MINDY2: variants seen among roughly 807,000 people sequenced by gnomAD.
MINDY2 encodes the protein MINDY lysine 48 deubiquitinase 2, also known as ubiquitin carboxyl-terminal hydrolase MINDY-2.
A neutral mutation model predicts 68.2 loss-of-function variants in MINDY2; 52 were observed. The ratio of observed to expected loss-of-function variants is 0.76; its 90% CI spans 0.61 to 0.96. The LOEUF (loss-of-function observed/expected upper bound fraction) is 0.96. Ranked by LOEUF, MINDY2 falls within the 40% of genes least tolerant of loss-of-function variation. MINDY2 has a pLI of 0.00. For missense variants in MINDY2, 881 were observed against 773.4 expected (o/e 1.14, Z -1.65); for synonymous variants, 372 against 303.0 (o/e 1.23, Z -2.36).
rs1234875208 is a variant in MINDY2 at position 58,857,509 on chromosome 15, G to C, written c.*2899G>C. On this transcript the variant is annotated 3_prime_UTR_variant, in exon 9 of 9. Coordinates refer to ENST00000559228, the MANE Select transcript of MINDY2 (RefSeq NM_001040450.3). ...AGATAGCACCACTGCATGCAAGCCT[G>C]GGCAATAGAGCGAGACTCCGTCTCA... is the stretch of plus-strand genomic sequence containing the variant. 2.3e-5 allele frequency: 3 copies of C among 127,694 alleles called. No individual in the cohort carries two copies. The highest frequency in any genetic ancestry group is 1.9e-4 in the Admixed American group (2 of 10,274). The allele number at this position is 127,694 out of a possible 1,614,324, so 7.9% of individuals were successfully genotyped here. A position where few individuals can be genotyped will look rare whatever the true frequency, so the allele number is the denominator to read the frequency against.
chr15:58,821,949 T>C, intron 5 of MINDY2, 130 bp downstream of exon 5: 1 of 602,358 alleles, frequency 1.7e-6, no homozygotes, highest in Non-Finnish European at 2.7e-6. Flanking sequence ...GTATGAATTT[T>C]AAGAAGTAAC....
chr15:58,829,599 A>T (rs2031604824), intron 5 of MINDY2, among the ~76,000 whole-genome samples: 1 of 152,168 alleles, frequency 6.6e-6, no homozygotes, highest in Non-Finnish European at 1.5e-5. Context: ...TGTGGAGAGG[A>T]TATTGGGTGA....
chr15:58,771,472 C>T lies in MINDY2; in HGVS notation c.77C>T (p.Ser26Leu), dbSNP rs1900380444. Reference protein sequence around the residue: ...AAGPASGTGSSQEGLQETRLA... With the variant: ...AAGPASGTGSLQEGLQETRLA... ...GGGCCAGCGTCAGGGACAGGTTCTT[C>T]GCAGGAAGGGCTACAGGAGACCAGG... The change falls in exon 1 of 9, where the codon TCG (serine) becomes TTG (leucine). Residue 26 changes from serine (S) to leucine (L), a missense_variant. By Grantham distance (145) the Ser-to-Leu change is moderately radical. Coordinates refer to ENST00000559228, the MANE Select transcript of MINDY2 (RefSeq NM_001040450.3). 1 of 1,612,554 alleles carries T rather than the reference C, an allele frequency of 6.2e-7. No individual in the cohort carries two copies. Among genetic ancestry groups the T allele is most frequent in the Non-Finnish European group, 8.5e-7 (1 of 1,179,828 alleles).
chr15:58,826,786 G>A (rs2031423947), intron 5 of MINDY2, among the ~76,000 whole-genome samples: 1 of 151,970 alleles, frequency 6.6e-6, no homozygotes, highest in South Asian at 2.1e-4. Context: ...CTCCAATTAT[G>A]GATCATTTAG....
chr15:58,843,569 CTCGTAAA>C (rs2141049028), intron 6 of MINDY2, among the ~76,000 whole-genome samples: 1 of 152,262 alleles, frequency 6.6e-6, no homozygotes, highest in South Asian at 2.1e-4. Flanking sequence ...CAGAAATACC[CTCGTAAA>C]TTAATTCTAC....
intron 2 of MINDY2, among the ~76,000 whole-genome samples, chr15:58,794,196 G>A (rs988498504): frequency 6.6e-6 from 1 of 152,070 alleles, no homozygotes; most frequent in South Asian, 2.1e-4. Flanking sequence ...TTTAAGCTGC[G>A]TAAAGAGGAA....
intron 1 of MINDY2, among the ~76,000 whole-genome samples, chr15:58,787,604 G>T (rs1416809173): frequency 6.6e-6 from 1 of 151,874 alleles, no homozygotes. Flanking sequence ...AGGTGTGGTG[G>T]TGGGTGCCTG....
At chr15:58,807,353 C>CT (rs58768604) in intron 3 of MINDY2, among the ~76,000 whole-genome samples, 1,160 of 109,010 alleles carry the variant, frequency 0.011, 37 homozygotes, top group Middle Eastern at 0.027. Flanking sequence ...TTAAAATAGT[C>CT]TTTTTTTTTT....
At chr15:58,833,565 A>G (rs1177486494) in intron 6 of MINDY2, among the ~76,000 whole-genome samples, 1 of 152,244 alleles carries the variant, frequency 6.6e-6, no homozygotes, top group Admixed American at 6.5e-5. Flanking sequence ...ATAATAGTGC[A>G]GAGAAGGTCA....
At chr15:58,811,841 T>G (rs1041459313) in intron 4 of MINDY2, among the ~76,000 whole-genome samples, 5 of 152,216 alleles carry the variant, frequency 3.3e-5, no homozygotes, top group Non-Finnish European at 7.3e-5. Context: ...ATAATTCTAC[T>G]GTAACATACT....
chr15:58,847,242 A>G (rs1392350754), intron 6 of MINDY2, 55 bp from the exon 7 acceptor site: 1 of 1,351,976 alleles, frequency 7.4e-7, no homozygotes, highest in Non-Finnish European at 1.0e-6. Flanking sequence ...TAAATATTAT[A>G]TTACTAGTTT....
intron 7 of MINDY2, among the ~76,000 whole-genome samples, chr15:58,850,774 A>G (rs1422596354): frequency 6.6e-6 from 1 of 151,918 alleles, no homozygotes; most frequent in Admixed American, 6.6e-5. Context: ...TTTTGCAGAA[A>G]CAGAGTTTTG....
At chr15:58,803,475 A>G (rs1488947806) in intron 3 of MINDY2, among the ~76,000 whole-genome samples, 1 of 151,288 alleles carries the variant, frequency 6.6e-6, no homozygotes, top group Non-Finnish European at 1.5e-5. Flanking sequence ...TCATAAAAAA[A>G]AAAAAAAAGA....
chr15:58,780,009 A>T lies in MINDY2; in HGVS notation c.840+7774A>T, dbSNP rs75245806. Among the ~76,000 whole-genome samples the T allele has an allele frequency of 9.1e-4, 138 of 152,282 alleles. 2 individuals carry two copies. The East Asian group carries it at 0.021, about 24-fold the overall frequency. On this transcript the variant is annotated intron_variant, in intron 1 of 8. Coordinates refer to ENST00000559228, the MANE Select transcript of MINDY2 (RefSeq NM_001040450.3). Reference sequence around the variant, plus strand: ...AGTACTCAGTTATTTTTGTGTCCAGATACTGTGCATTATTTTACATGCATT... The same window carrying T: ...AGTACTCAGTTATTTTTGTGTCCAGTTACTGTGCATTATTTTACATGCATT...
intron 3 of MINDY2, among the ~76,000 whole-genome samples, chr15:58,802,947 T>C (rs960224742): frequency 2.0e-5 from 3 of 152,202 alleles, no homozygotes; most frequent in Non-Finnish European, 4.4e-5. Flanking sequence ...TATTCTTCCT[T>C]TACTTGGTAA....
At chr15:58,854,418 G>A (rs1460431403) in intron 8 of MINDY2, 64 bp from the exon 9 acceptor site, 4 of 1,543,850 alleles carry the variant, frequency 2.6e-6, no homozygotes, top group Non-Finnish European at 3.5e-6. Context: ...TTCCTTTCTA[G>A]ATAACCATGA....
intron 1 of MINDY2, among the ~76,000 whole-genome samples, chr15:58,786,452 T>A (rs1901506590): frequency 6.6e-6 from 1 of 152,238 alleles, no homozygotes; most frequent in Admixed American, 6.5e-5. Flanking sequence ...TTACAATCAT[T>A]GACTGTAATA....
intron 6 of MINDY2, among the ~76,000 whole-genome samples, chr15:58,840,022 C>T (rs1425340391): frequency 2.0e-5 from 3 of 151,854 alleles, no homozygotes; most frequent in African/African-American, 4.8e-5. Context: ...TTAGTAGAGA[C>T]GGGGTTTTGT....
intron 6 of MINDY2, among the ~76,000 whole-genome samples, chr15:58,837,672 T>A (rs569823462): frequency 6.6e-6 from 1 of 152,114 alleles, no homozygotes; most frequent in African/African-American, 2.4e-5. Flanking sequence ...GGACATCTTA[T>A]GCATTCATAT....
Sources: allele counts gnomAD v4.1 joint callset (sites outside exome capture counted in the v4.1 genomes callset), GRCh38; gene constraint gnomAD v4.1.1; transcripts MANE v1.5; gene names NCBI Gene and HGNC (gene_info 2026-07-23, HGNC 2026-07-21).